The following PCDHA7 variants were observed in gnomAD, a reference collection of about 807,000 sequenced individuals.
PCDHA7 encodes protocadherin alpha 7, also known as protocadherin alpha-7.
A neutral mutation model predicts 57.2 loss-of-function variants in PCDHA7; 37 were observed. The observed-to-expected ratio is 0.65, with a 90% confidence interval of 0.50 to 0.85. PCDHA7 has a LOEUF of 0.85. PCDHA7 is among the 40% of genes least tolerant of loss of function. PCDHA7 has a pLI of 0.00. For missense variants in PCDHA7, 1,188 were observed against 1,241.8 expected, an observed-to-expected ratio of 0.96 and a Z score of 0.65; for synonymous variants, 553 against 558.8, an observed-to-expected ratio of 0.99 and a Z score of 0.15.
At chr5:140,889,949 A>C (rs1444545834) in intron 1 of PCDHA7, among the ~76,000 whole-genome samples, 1 of 152,202 alleles carries the variant, frequency 6.6e-6, no homozygotes. Flanking sequence ...GAGAAGCCAA[A>C]TGGATAGAAA....
intron 1 of PCDHA7, among the ~76,000 whole-genome samples, chr5:140,920,225 G>A (rs80019196): frequency 2.9e-3 from 441 of 151,762 alleles, no homozygotes; most frequent in African/African-American, 0.01. Flanking sequence ...CACATTTATA[G>A]TATTATATAC....
chr5:140,862,165 T>C (rs1003648198), intron 1 of PCDHA7: 39 of 164,612 alleles, frequency 2.4e-4, no homozygotes, highest in Non-Finnish European at 2.3e-4. Context: ...AAGATTCAAA[T>C]ACAGGCAGTT....
At chr5:140,925,854 G>C (rs1333353083) in intron 1 of PCDHA7, among the ~76,000 whole-genome samples, 1 of 152,014 alleles carries the variant, frequency 6.6e-6, no homozygotes, top group African/African-American at 2.4e-5. Flanking sequence ...TGAGTTTCTA[G>C]TTATTGCTAT....
intron 1 of PCDHA7, among the ~76,000 whole-genome samples, chr5:140,904,137 G>A (rs2070857554): frequency 6.6e-6 from 1 of 152,040 alleles, no homozygotes; most frequent in African/African-American, 2.4e-5. Context: ...CATCACCCGA[G>A]CAGTATACAT....
At chr5:140,986,371 G>C (rs1453761888) in intron 3 of PCDHA7, among the ~76,000 whole-genome samples, 1 of 152,116 alleles carries the variant, frequency 6.6e-6, no homozygotes, top group Non-Finnish European at 1.5e-5. Flanking sequence ...AATGCGTTTT[G>C]GGGGGAGGGA....
intron 1 of PCDHA7, among the ~76,000 whole-genome samples, chr5:140,936,021 T>TA (rs2090725097): frequency 1.3e-5 from 2 of 151,374 alleles, no homozygotes; most frequent in African/African-American, 4.9e-5. Flanking sequence ...GCCTCCCGAG[T>TA]AGCGGGGATT....
chr5:140,908,587 T>G (rs186345728), intron 1 of PCDHA7, among the ~76,000 whole-genome samples: 3 of 152,298 alleles, frequency 2.0e-5, no homozygotes, highest in East Asian at 3.9e-4. Context: ...AGTAGTTAGC[T>G]GCAGAAGATG....
rs1175289327 is a variant in PCDHA7 at position 140,945,113 on chromosome 5, T to TA, written c.2356-33830dup. ...TAATAAACAAAATAAAGTTGAAAGA[T>TA]AAAAAATCAACTTACAAAAATCAAT... On this transcript the variant is annotated intron_variant, in intron 1 of 3. Coordinates refer to ENST00000525929, the MANE Select transcript of PCDHA7 (RefSeq NM_018910.3). Among the ~76,000 whole-genome samples, 7 of 152,200 alleles carry TA rather than the reference T, an allele frequency of 4.6e-5. No individual in the cohort carries two copies. In the East Asian group the frequency reaches 1.2e-3, roughly 25 times the overall value.
chr5:140,986,737 G>A (rs1183806071), intron 3 of PCDHA7, among the ~76,000 whole-genome samples: 1 of 152,192 alleles, frequency 6.6e-6, no homozygotes, highest in African/African-American at 2.4e-5. Flanking sequence ...CAAGACCCCA[G>A]GGGATCTGGG....
At chr5:140,873,044 A>G (rs115529200) in intron 1 of PCDHA7, among the ~76,000 whole-genome samples, 15 of 152,172 alleles carry the variant, frequency 9.9e-5, no homozygotes, top group Non-Finnish European at 1.8e-4. Flanking sequence ...GAGTGGTGGT[A>G]TTACAGACTT....
intron 1 of PCDHA7, among the ~76,000 whole-genome samples, chr5:140,939,692 A>T (rs2092437980): frequency 6.6e-6 from 1 of 152,222 alleles, no homozygotes; most frequent in African/African-American, 2.4e-5. Context: ...GTGTTGCTGG[A>T]CATTATCATT....
intron 1 of PCDHA7, among the ~76,000 whole-genome samples, chr5:140,976,726 T>C (rs2096728998): frequency 6.6e-6 from 1 of 152,202 alleles, no homozygotes; most frequent in East Asian, 1.9e-4. Context: ...TTCATTTATT[T>C]AAACACATTT....
rs550257645 is a variant in PCDHA7 at position 140,858,423 on chromosome 5, A to G, written c.2355+21685A>G. 7.3e-5 allele frequency: 113 copies of G among 1,554,520 alleles called. 7 individuals carry two copies. In the South Asian group the frequency reaches 1.0e-3, roughly 14 times the overall value. On this transcript the variant is annotated intron_variant, in intron 1 of 3. Coordinates refer to ENST00000525929, the MANE Select transcript of PCDHA7 (RefSeq NM_018910.3). ...GGGGAAGATCAGTCTATTGGAGGGG[A>G]CCACTCTAGGAAGGTGGGTTATTAC...
intron 1 of PCDHA7, chr5:140,867,201 T>C (rs1554161078): frequency 6.6e-6 from 1 of 152,156 alleles, no homozygotes; most frequent in African/African-American, 2.4e-5. Context: ...CCACATTCCA[T>C]GTAACATCTT....
chr5:140,903,688 A>G (rs1392078626), intron 1 of PCDHA7, among the ~76,000 whole-genome samples: 13 of 152,242 alleles, frequency 8.5e-5, no homozygotes, highest in Admixed American at 7.9e-4. Flanking sequence ...TTTGGTAAAT[A>G]GTTTAAAATA....
chr5:140,961,878 C>A (rs2095639757), intron 1 of PCDHA7, among the ~76,000 whole-genome samples: 1 of 150,888 alleles, frequency 6.6e-6, no homozygotes, highest in Non-Finnish European at 1.5e-5. Context: ...AATTGACTTA[C>A]TTACATCAGT....
intron 1 of PCDHA7, chr5:140,850,070 C>G: frequency 6.3e-7 from 1 of 1,596,564 alleles, no homozygotes; most frequent in Non-Finnish European, 8.6e-7. Context: ...CGTTGGACCA[C>G]GAGGAGCTGG....
chr5:140,926,917 TTA>T, intron 1 of PCDHA7: 3 of 1,565,668 alleles, frequency 1.9e-6, no homozygotes, highest in South Asian at 1.2e-5. Context: ...GGTGGCAGTT[TTA>T]TGTTTGTGGG....
chr5:140,995,674 A>AT (rs1240189428), intron 3 of PCDHA7, among the ~76,000 whole-genome samples: 2 of 152,112 alleles, frequency 1.3e-5, no homozygotes, highest in South Asian at 2.1e-4. Context: ...TAAATGCAGC[A>AT]TTTTTTTTAA....
Sources: allele counts gnomAD v4.1 joint callset (sites outside exome capture counted in the v4.1 genomes callset), GRCh38; gene constraint gnomAD v4.1.1; transcripts MANE v1.5; gene names NCBI Gene and HGNC (gene_info 2026-07-23, HGNC 2026-07-21).